NSD2: variants seen among roughly 807,000 people sequenced by gnomAD.
The protein encoded by NSD2 is nuclear receptor binding SET domain protein 2.
Under a neutral mutation model 139.0 loss-of-function variants are expected in NSD2, and 12 were observed. The ratio of observed to expected loss-of-function variants is 0.09; its 90% CI spans 0.06 to 0.14. NSD2 has a LOEUF of 0.14. NSD2 is among the 10% of genes least tolerant of loss of function. The pLI, the probability that NSD2 is intolerant of heterozygous loss-of-function variation, is 1.00. For missense variants in NSD2, 1,155 were observed against 1,745.0 expected, an observed-to-expected ratio of 0.66 and a Z score of 6.02; for synonymous variants, 669 against 648.7, an observed-to-expected ratio of 1.03 and a Z score of -0.48.
intron 1 of NSD2, among the ~76,000 whole-genome samples, chr4:1,895,794 C>T (rs1479043767): frequency 6.6e-6 from 1 of 152,148 alleles, no homozygotes; most frequent in Non-Finnish European, 1.5e-5. Flanking sequence ...ATTTTTTGGT[C>T]TCCGGATTTA....
chr4:1,938,573 C>T lies in NSD2; in HGVS notation c.1756+41C>T, dbSNP rs769864258. The T allele has an allele frequency of 7.1e-6, 11 of 1,540,470 alleles. 1 individual carries two copies. Among genetic ancestry groups the T allele is most frequent in the Non-Finnish European group, 8.9e-7 (1 of 1,121,230 alleles). ...CCCTTTCCTTCTTGGCTTCTGGGTG[C>T]CCAGGCTGGGCTGGGTGGGTGGGCT... On this transcript the variant is annotated intron_variant, in intron 8 of 21. Transcript: ENST00000508803.
Position 1,955,529 on chromosome 4 carries a change from T to C in NSD2, c.2519-164T>C. On this transcript the variant is annotated intron_variant, in intron 13 of 21. Coordinates refer to ENST00000508803, the MANE Select transcript of NSD2 (RefSeq NM_001042424.3). The surrounding 1 kb of genome is among the most constrained non-coding windows in gnomAD (Gnocchi z 4.7). ...CATTTCGCAAACATACAGGAAATTA[T>C]TTGTGGTGAAAATGACATTTGCTCT... 8.1e-7 allele frequency: 1 copy of C among 1,230,250 alleles called. No individual in the cohort carries two copies. Among genetic ancestry groups the C allele is most frequent in the Non-Finnish European group, 1.1e-6 (1 of 912,756 alleles). The allele number at this position is 1,230,250 out of a possible 1,614,324, so 76.2% of individuals were successfully genotyped here.
rs145743173 is a variant in NSD2 at position 1,961,055 on chromosome 4, C to T, written c.3276C>T (p.Tyr1092=). 5.9e-4 allele frequency: 955 copies of T among 1,612,960 alleles called. 1 individual carries two copies. Among genetic ancestry groups the T allele is most frequent in the Middle Eastern group, 6.6e-4 (4 of 6,082 alleles). ...DIRKGEFVNE[Y]VGELIDEEEC... ...TCCAGGGAGAATTTGTTAACGAGTACGTTGGGGAGCTGATCGACGAGGAGG... is the reference window on the plus strand; with the variant it reads ...TCCAGGGAGAATTTGTTAACGAGTATGTTGGGGAGCTGATCGACGAGGAGG... The change falls in exon 18 of 22, where the codon TAC becomes TAT. Residue 1092 remains tyrosine (Y), a synonymous_variant. Transcript: ENST00000508803.
intron 1 of NSD2, among the ~76,000 whole-genome samples, chr4:1,894,772 T>C (rs1716026268): frequency 6.6e-6 from 1 of 152,150 alleles, no homozygotes; most frequent in Non-Finnish European, 1.5e-5. Context: ...TCCTTGAAGG[T>C]AGAGGATTTT....
chr4:1,944,722 C>T (rs945150673), intron 9 of NSD2: 2 of 1,064,462 alleles, frequency 1.9e-6, no homozygotes, highest in African/African-American at 3.3e-5. Context: ...GATCTGAGAG[C>T]CATTGGGCCA....
At chr4:1,894,084 G>A (rs1009967938) in intron 1 of NSD2, among the ~76,000 whole-genome samples, 3 of 152,092 alleles carry the variant, frequency 2.0e-5, no homozygotes, top group Non-Finnish European at 4.4e-5. Flanking sequence ...TCTAGGACTA[G>A]CTTCTAGGAC....
intron 7 of NSD2, among the ~76,000 whole-genome samples, chr4:1,935,891 A>G (rs925125042): frequency 2.5e-4 from 38 of 151,892 alleles, no homozygotes; most frequent in African/African-American, 8.9e-4. Context: ...ACCCCCAAAC[A>G]CCATAACCTC....
At chr4:1,893,555 T>TTTTTG (rs1434844180) in intron 1 of NSD2, among the ~76,000 whole-genome samples, 2 of 147,912 alleles carry the variant, frequency 1.4e-5, no homozygotes, top group African/African-American at 5.0e-5. Flanking sequence ...TTTTTTTTTT[T>TTTTTG]TTTTGTTTTG....
At chr4:1,949,151 C>A (rs1020893027) in intron 9 of NSD2, among the ~76,000 whole-genome samples, 2 of 152,194 alleles carry the variant, frequency 1.3e-5, no homozygotes, top group Non-Finnish European at 2.9e-5. Flanking sequence ...ATATCTGATG[C>A]GCTTGTTAAA....
chr4:1,880,518 G>A (rs1022555257), intron 1 of NSD2, among the ~76,000 whole-genome samples: 5 of 151,594 alleles, frequency 3.3e-5, no homozygotes, highest in Admixed American at 6.6e-5. Context: ...CTATGTCCTC[G>A]TTCCCATGGG....
rs2108939546 is a variant in NSD2, at chr4:1,950,972, G to C, written c.1882-100G>C. On this transcript the variant is annotated intron_variant, in intron 9 of 21. Coordinates refer to ENST00000508803, the MANE Select transcript of NSD2 (RefSeq NM_001042424.3). Reference sequence around the variant, plus strand: ...TACAGGACCAGTGCTGAGAAAGACTGGTGGGTGGTGGGGTGGGGCGGGACG... The same window carrying C: ...TACAGGACCAGTGCTGAGAAAGACTCGTGGGTGGTGGGGTGGGGCGGGACG... The C allele has an allele frequency of 2.0e-6, 3 of 1,490,454 alleles. No individual in the cohort carries two copies. The East Asian group carries it at 6.8e-5, about 34-fold the overall frequency. The allele number at this position is 1,490,454 out of a possible 1,614,324, so 92.3% of individuals were successfully genotyped here.
chr4:1,926,224 G>C (rs561121261), intron 5 of NSD2, among the ~76,000 whole-genome samples: 1 of 148,466 alleles, frequency 6.7e-6, no homozygotes, highest in Admixed American at 6.8e-5. Context: ...GCATGATCTC[G>C]GCTCACTGCA....
intron 3 of NSD2, among the ~76,000 whole-genome samples, chr4:1,910,904 G>A (rs1282790090): frequency 6.6e-6 from 1 of 152,166 alleles, no homozygotes; most frequent in African/African-American, 2.4e-5. Flanking sequence ...GTTTCCCAGG[G>A]AGCTCTGTGG....
chr4:1,947,464 C>G, intron 9 of NSD2: 1 of 1,058,668 alleles, frequency 9.4e-7, no homozygotes, highest in Non-Finnish European at 1.1e-6. Context: ...CAGCCCTGAC[C>G]CTAGAATTTA....
At chr4:1,964,690 G>GT (rs1421102793) in intron 18 of NSD2, among the ~76,000 whole-genome samples, 1 of 152,106 alleles carries the variant, frequency 6.6e-6, no homozygotes. Flanking sequence ...TCCAGCTGAA[G>GT]TATCTTCAAG....
chr4:1,914,451 G>A (rs1719093666), intron 3 of NSD2, among the ~76,000 whole-genome samples: 1 of 152,006 alleles, frequency 6.6e-6, no homozygotes, highest in South Asian at 2.1e-4. Context: ...TCAGCCTCCT[G>A]AGTAGCTGGG....
intron 1 of NSD2, among the ~76,000 whole-genome samples, chr4:1,890,088 C>T (rs976490797): frequency 4.6e-5 from 7 of 152,100 alleles, no homozygotes; most frequent in African/African-American, 1.7e-4. Flanking sequence ...CAGCATGTGG[C>T]CTTTGTATCT....
intron 1 of NSD2, among the ~76,000 whole-genome samples, chr4:1,880,439 G>A (rs1280925321): frequency 6.6e-6 from 1 of 152,104 alleles, no homozygotes; most frequent in Admixed American, 6.6e-5. Context: ...AGTCAGTGTG[G>A]CAGTGTACTT....
chr4:1,881,828 T>TGATGGGA (rs1268255098), intron 1 of NSD2, among the ~76,000 whole-genome samples: 1 of 152,194 alleles, frequency 6.6e-6, no homozygotes, highest in African/African-American at 2.4e-5. Context: ...AAAGACTTCC[T>TGATGGGA]GATGGGATAG....
Sources: gnomAD v4.1 joint callset for allele counts (sites outside exome capture counted in the v4.1 genomes callset) on GRCh38, gnomAD v4.1.1 for gene constraint, Gnocchi (gnomAD v3.1) non-coding constraint, MANE v1.5 for transcripts, NCBI Gene and HGNC (gene_info 2026-07-23, HGNC 2026-07-21) for gene names.